The following SLIT3 variants were observed in gnomAD, a reference collection of about 807,000 sequenced individuals.
SLIT3 encodes the protein slit guidance ligand 3.
A neutral mutation model predicts 184.0 loss-of-function variants in SLIT3; 68 were observed. The observed-to-expected ratio is 0.37, with a 90% CI of 0.30 to 0.45. SLIT3 has a LOEUF of 0.45. Ranked by LOEUF, SLIT3 falls within the 20% of genes least tolerant of loss-of-function variation. The pLI, the probability that SLIT3 is intolerant of heterozygous loss-of-function variation, is 1.00. For synonymous variants in SLIT3, 831 were observed against 828.6 expected (o/e 1.00, Z -0.05); for missense variants, 1,707 against 2,026.0 (o/e 0.84, Z 3.02).
intron 16 of SLIT3, among the ~76,000 whole-genome samples, chr5:168,757,220 C>G (rs1196022463): frequency 5.3e-5 from 8 of 152,144 alleles, no homozygotes; most frequent in African/African-American, 1.9e-4. Context: ...GGGCTTCTCT[C>G]CATCTTTGGG....
chr5:169,215,500 A>C (rs1764405961), intron 3 of SLIT3, among the ~76,000 whole-genome samples: 1 of 137,410 alleles, frequency 7.3e-6, no homozygotes, highest in Non-Finnish European at 1.5e-5. Context: ...TGGGCTTTGT[A>C]GGCTCCATGG....
At chr5:168,881,096 C>T (rs1476788063) in intron 5 of SLIT3, among the ~76,000 whole-genome samples, 1 of 152,140 alleles carries the variant, frequency 6.6e-6, no homozygotes, top group Non-Finnish European at 1.5e-5. Context: ...AATTCACTCC[C>T]CTTTCCTTCT....
At chr5:169,235,232 TAAG>T (rs1273960542) in intron 3 of SLIT3, among the ~76,000 whole-genome samples, 1 of 152,206 alleles carries the variant, frequency 6.6e-6, no homozygotes, top group Non-Finnish European at 1.5e-5. Context: ...CTTGTTGACT[TAAG>T]AATACTCTTT....
chr5:169,151,246 A>G (rs1003380688), intron 4 of SLIT3, among the ~76,000 whole-genome samples: 2 of 152,100 alleles, frequency 1.3e-5, no homozygotes, highest in Non-Finnish European at 2.9e-5. Context: ...CCTTTCATTA[A>G]ATGCATCATT....
intron 9 of SLIT3, among the ~76,000 whole-genome samples, chr5:168,798,217 C>CTTTTTTTTTTTT (rs1448584547): frequency 2.5e-5 from 2 of 81,132 alleles, no homozygotes; most frequent in African/African-American, 7.3e-5. Context: ...TTTTCTTCTT[C>CTTTTTTTTTTTT]TTCTTCTTTT....
intron 23 of SLIT3, among the ~76,000 whole-genome samples, chr5:168,718,380 G>A (rs973058403): frequency 2.6e-5 from 4 of 152,042 alleles, no homozygotes; most frequent in Non-Finnish European, 2.9e-5. Flanking sequence ...TGGCTCCTTC[G>A]TGAGCACACA....
intron 20 of SLIT3, among the ~76,000 whole-genome samples, chr5:168,727,292 C>T (rs915915116): frequency 2.0e-5 from 3 of 152,070 alleles, no homozygotes; most frequent in Non-Finnish European, 4.4e-5. Context: ...TGCACTCTAG[C>T]CTGGGCAACA....
intron 4 of SLIT3, among the ~76,000 whole-genome samples, chr5:169,031,922 A>G (rs1346044499): frequency 1.3e-5 from 2 of 152,186 alleles, no homozygotes; most frequent in Admixed American, 1.3e-4. Context: ...TTTTAATTGA[A>G]TGTGGAAGAG....
Position 169,220,190 on chromosome 5 carries a change from A to G in SLIT3, c.341+24515T>C, listed in dbSNP as rs1764574814. 2.0e-5 allele frequency among the ~76,000 whole-genome samples: 3 copies of G among 152,086 alleles called. No homozygotes were observed. In the South Asian group the frequency reaches 6.2e-4, roughly 32 times the overall value. ...CTTGGTACCCCACATTGCTCTGGAC[A>G]CCACAGTGCCCTGTATAGCCACTGG... On this transcript the variant is annotated intron_variant, in intron 3 of 35. Transcript: ENST00000519560.
At position 168,690,069 on chromosome 5, in the gene SLIT3, G is replaced by T. The variant is rs577018022; in HGVS notation, c.3176+2538C>A. ...AAGTTCTGGGGATCATAAAAACCTG[G>T]CAGTGTTAGCTCTCCAGCACTCCAA... On this transcript the variant is annotated intron_variant, in intron 29 of 35. Coordinates refer to ENST00000519560, the MANE Select transcript of SLIT3 (RefSeq NM_003062.4). 3.3e-5 allele frequency among the ~76,000 whole-genome samples: 5 copies of T among 152,062 alleles called. No individual in the cohort carries two copies. In the East Asian group the frequency reaches 7.7e-4, roughly 24 times the overall value.
chr5:169,193,474 C>T lies in SLIT3; in HGVS notation c.413+5G>A. The T allele has an allele frequency of 6.2e-7, 1 of 1,613,320 alleles. No individual in the cohort carries two copies. On this transcript the variant is annotated splice_donor_5th_base_variant and intron_variant, in intron 4 of 35. Transcript: ENST00000519560. Reference sequence around the variant, plus strand: ...AGGTAGAGAACACAAGGCAACTCTACTCACAGTCTGGTGAGCTTCGGCGTG... The same window carrying T: ...AGGTAGAGAACACAAGGCAACTCTATTCACAGTCTGGTGAGCTTCGGCGTG...
rs781532886 is a variant in SLIT3, at chr5:168,671,220, G to A, written c.4105C>T (p.Arg1369Trp). The change falls in exon 34 of 36, where the codon CGG becomes TGG. Residue 1369 changes from arginine (R) to tryptophan (W), a missense_variant. Physicochemically the swap from Arg to Trp is moderately radical, Grantham distance 101. Coordinates refer to ENST00000519560, the MANE Select transcript of SLIT3 (RefSeq NM_003062.4). ...GACCTGTGGCCGAGGCAGGGGTCCC[G>A]GGCCTCCTGATCGCAGAGTGGGCCG... ...WTGPLCDQEARDPCLGHRCHH... is the reference protein window; with the variant it reads ...WTGPLCDQEAWDPCLGHRCHH... The A allele has an allele frequency of 1.1e-5, 17 of 1,609,886 alleles. No homozygotes were observed. Among genetic ancestry groups the A allele is most frequent in the South Asian group, 2.2e-5 (2 of 90,976 alleles).
intron 4 of SLIT3, among the ~76,000 whole-genome samples, chr5:169,156,799 G>A (rs1762322880): frequency 6.6e-6 from 1 of 152,168 alleles, no homozygotes; most frequent in Non-Finnish European, 1.5e-5. Flanking sequence ...TCATCACACT[G>A]AGTTGAATTT....
chr5:168,939,213 G>A (rs566397427), intron 4 of SLIT3, among the ~76,000 whole-genome samples: 1 of 152,338 alleles, frequency 6.6e-6, no homozygotes, highest in African/African-American at 2.4e-5. Flanking sequence ...TCAGCGCTAT[G>A]ATTGATGAGG....
At chr5:169,179,484 CAG>C (rs1763086054) in intron 4 of SLIT3, among the ~76,000 whole-genome samples, 1 of 152,118 alleles carries the variant, frequency 6.6e-6, no homozygotes, top group African/African-American at 2.4e-5. Flanking sequence ...ATATTATTCC[CAG>C]ATCTTTGAAA....
At chr5:168,735,702 ACAC>A (rs1289716195) in intron 20 of SLIT3, among the ~76,000 whole-genome samples, 84 of 141,608 alleles carry the variant, frequency 5.9e-4, no homozygotes, top group African/African-American at 2.1e-3. Flanking sequence ...ACACACACAC[ACAC>A]ATCTCCATCC....
rs529309113 is a variant in SLIT3 at position 168,734,004 on chromosome 5, G to A, written c.2271-9520C>T. Among the ~76,000 whole-genome samples the A allele has an allele frequency of 5.9e-5, 9 of 152,112 alleles. No individual in the cohort carries two copies. The South Asian group carries it at 1.2e-3, about 21-fold the overall frequency. Reference sequence around the variant, plus strand: ...GACAATGGGTACACATGGACATACCGAGTAGAATAATGGACACTGGAGACT... The same window carrying A: ...GACAATGGGTACACATGGACATACCAAGTAGAATAATGGACACTGGAGACT... On this transcript the variant is annotated intron_variant, in intron 20 of 35. Coordinates refer to ENST00000519560, the MANE Select transcript of SLIT3 (RefSeq NM_003062.4).
At chr5:169,022,461 A>G (rs1756637684) in intron 4 of SLIT3, among the ~76,000 whole-genome samples, 1 of 152,228 alleles carries the variant, frequency 6.6e-6, no homozygotes, top group African/African-American at 2.4e-5. Context: ...GTTTTTGTGA[A>G]CAGGGAAAAG....
intron 4 of SLIT3, among the ~76,000 whole-genome samples, chr5:169,095,483 A>G (rs1759743342): frequency 1.3e-5 from 2 of 152,216 alleles, no homozygotes; most frequent in African/African-American, 4.8e-5. Flanking sequence ...AAACTAAGGT[A>G]TGAGGGTATT....
Sources: gnomAD v4.1 joint callset for allele counts (sites outside exome capture counted in the v4.1 genomes callset) on GRCh38, gnomAD v4.1.1 for gene constraint, MANE v1.5 for transcripts, NCBI Gene and HGNC (gene_info 2026-07-23, HGNC 2026-07-21) for gene names.